Variants in ZNF503 observed in about 807,000 individuals in gnomAD.
ZNF503 encodes the protein NocA-like zinc finger 2.
Under a neutral mutation model 34.4 loss-of-function variants are expected in ZNF503, and 15 were observed. The ratio of observed to expected loss-of-function variants is 0.44; its 90% CI spans 0.29 to 0.67. The LOEUF (loss-of-function observed/expected upper bound fraction) is 0.67. Ranked by LOEUF, ZNF503 falls within the 30% of genes least tolerant of loss-of-function variation. The probability of loss-of-function intolerance (pLI) is 0.13; values close to 1 mark genes in which losing one functional copy is unlikely to be tolerated. For missense variants in ZNF503, 1,007 were observed against 926.8 expected (o/e 1.09, Z -1.12); for synonymous variants, 580 against 456.8 (o/e 1.27, Z -3.44).
chr10:75,350,139 T>G, the ZNF503 span, among the ~76,000 whole-genome samples: 4 of 152,350 alleles, frequency 2.6e-5, no homozygotes, highest in South Asian at 6.2e-4. Context: ...ACTAGAAAAC[T>G]GTTACCAATA....
At chr10:75,317,611 A>G in the ZNF503 span, among the ~76,000 whole-genome samples, 1 of 152,136 alleles carries the variant, frequency 6.6e-6, no homozygotes, top group East Asian at 1.9e-4. Context: ...GTTACAATAG[A>G]AATTAAATTT....
the ZNF503 span, chr10:75,361,533 G>T: frequency 6.6e-6 from 1 of 152,026 alleles, no homozygotes; most frequent in Non-Finnish European, 1.5e-5. Flanking sequence ...AATACCTCTA[G>T]CCCAAAACAG....
chr10:75,399,575 G>A lies in ZNF503; in HGVS notation c.1115C>T (p.Pro372Leu), dbSNP rs1291670345. 3 of 1,596,476 alleles carry A rather than the reference G, an allele frequency of 1.9e-6. No homozygotes were observed. Among genetic ancestry groups the A allele is most frequent in the African/African-American group, 1.3e-5 (1 of 74,888 alleles). ...TGCCACGCCGTGTGGCAGGAACTGG[G>A]GCGGGTAGCCGGCGTAGGCCCCGGC... ...SLAGAYAGYP[P>L]QFLPHGVALD... is the part of the protein sequence containing the mutation. The change falls in exon 2 of 2, where the codon CCC becomes CTC. Residue 372 changes from proline (P) to leucine (L), a missense_variant. By Grantham distance (98) the Pro-to-Leu change is moderately conservative (BLOSUM62 -3). Coordinates refer to ENST00000372524, the MANE Select transcript of ZNF503 (RefSeq NM_032772.6).
the ZNF503 span, among the ~76,000 whole-genome samples, chr10:75,284,624 G>C: frequency 6.6e-6 from 1 of 152,160 alleles, no homozygotes; most frequent in East Asian, 1.9e-4. Context: ...TCCAGGTGTG[G>C]AGTGTGTAAG....
downstream of ZNF503, among the ~76,000 whole-genome samples, chr10:75,395,157 CT>C (rs1043114692): frequency 6.6e-6 from 1 of 152,208 alleles, no homozygotes; most frequent in Non-Finnish European, 1.5e-5. The surrounding 1 kb of genome is among the most constrained non-coding windows in gnomAD (Gnocchi z 4.4). Flanking sequence ...GTGGCGACTG[CT>C]TCAGCATGGC....
the ZNF503 span, among the ~76,000 whole-genome samples, chr10:75,334,822 A>G: frequency 3.9e-5 from 6 of 152,280 alleles, no homozygotes; most frequent in African/African-American, 4.8e-5. Flanking sequence ...GGATCCTTCA[A>G]CTGTTTGTGT....
chr10:75,379,464 AT>A, the ZNF503 span, among the ~76,000 whole-genome samples: 3 of 152,230 alleles, frequency 2.0e-5, no homozygotes, highest in Non-Finnish European at 4.4e-5. Context: ...ATTTCATGCT[AT>A]TTGGTTTACA....
the ZNF503 span, among the ~76,000 whole-genome samples, chr10:75,378,701 A>G: frequency 2.0e-5 from 3 of 152,256 alleles, no homozygotes; most frequent in South Asian, 6.2e-4. Flanking sequence ...CTCGTGATAA[A>G]TAAATACATT....
the ZNF503 span, among the ~76,000 whole-genome samples, chr10:75,338,707 A>G: frequency 6.6e-6 from 1 of 152,276 alleles, no homozygotes; most frequent in African/African-American, 2.4e-5. Context: ...AGAGAGAGCA[A>G]ATGGATACAG....
At chr10:75,395,108 A>G (rs1314344812), downstream of ZNF503, among the ~76,000 whole-genome samples, 1 of 152,182 alleles carries the variant, frequency 6.6e-6, no homozygotes, top group African/African-American at 2.4e-5. This position sits in a 1 kb window ranked among gnomAD's most constrained non-coding sequence, Gnocchi z 4.4. Context: ...GCGCTAGGAA[A>G]TCATCAGTGA....
At chr10:75,392,060 A>T in the ZNF503 span, among the ~76,000 whole-genome samples, 1 of 152,346 alleles carries the variant, frequency 6.6e-6, no homozygotes, top group African/African-American at 2.4e-5. Flanking sequence ...GCTGGTAATG[A>T]GGAAAAGAGG....
the ZNF503 span, among the ~76,000 whole-genome samples, chr10:75,333,081 C>G: frequency 5.5e-5 from 8 of 145,388 alleles, no homozygotes; most frequent in East Asian, 1.3e-3. Flanking sequence ...ACCTCCCAGA[C>G]GGGGCGGCTG....
chr10:75,338,828 C>T, the ZNF503 span, among the ~76,000 whole-genome samples: 4 of 152,206 alleles, frequency 2.6e-5, no homozygotes, highest in Admixed American at 6.5e-5. Context: ...TGCCCTGCTT[C>T]GAGAATCTTG....
In ZNF503 at chr10:75,400,066, C is replaced by A; in HGVS notation, c.624G>T (p.Glu208Asp). The change falls in exon 2 of 2, where the codon GAG becomes GAT. Residue 208 changes from glutamate to aspartate, a missense_variant. By Grantham distance (45) the Glu-to-Asp change is conservative. Coordinates refer to ENST00000372524, the MANE Select transcript of ZNF503 (RefSeq NM_032772.6). Reference sequence around the variant, plus strand: ...CGCTCGGTACCCGGAATCCCGACTTCTCCGACGAAACACCCCCGCCGCCGC... The same window carrying A: ...CGCTCGGTACCCGGAATCCCGACTTATCCGACGAAACACCCCCGCCGCCGC... Reference protein sequence around the residue: ...GGGGGGGVSSEKSGFRVPSAT... With the variant: ...GGGGGGGVSSDKSGFRVPSAT... The A allele has an allele frequency of 6.4e-7, 1 of 1,574,356 alleles. No homozygotes were observed. The highest frequency in any genetic ancestry group is 8.6e-7 in the Non-Finnish European group (1 of 1,162,510).
the ZNF503 span, among the ~76,000 whole-genome samples, chr10:75,345,615 A>G: frequency 2.7e-5 from 4 of 146,216 alleles, no homozygotes; most frequent in African/African-American, 1.0e-4. Flanking sequence ...AGCCTGGGTG[A>G]CAGAGCGAGA....
At chr10:75,401,010 ACCC>A (rs753231904) in intron 1 of ZNF503, 92 bp downstream of exon 1, 4 of 1,545,320 alleles carry the variant, frequency 2.6e-6, no homozygotes, top group East Asian at 2.4e-5. Context: ...AATCACTCCG[ACCC>A]CCCCACCTCC....
chr10:75,340,903 A>G, the ZNF503 span, among the ~76,000 whole-genome samples: 408 of 152,292 alleles, frequency 2.7e-3, 3 homozygotes, highest in African/African-American at 9.4e-3. Flanking sequence ...ACTCCACCTC[A>G]TATTTATTGA....
chr10:75,380,097 T>G, the ZNF503 span, among the ~76,000 whole-genome samples: 1 of 152,168 alleles, frequency 6.6e-6, no homozygotes, highest in African/African-American at 2.4e-5. Flanking sequence ...CAGACTGACC[T>G]GGCAGTAGAG....
At chr10:75,292,935 G>A in the ZNF503 span, among the ~76,000 whole-genome samples, 3 of 152,168 alleles carry the variant, frequency 2.0e-5, no homozygotes, top group Non-Finnish European at 4.4e-5. Context: ...GCTCAAAATG[G>A]CTGCCCCAGC....
Sources: gnomAD v4.1 joint callset for allele counts (sites outside exome capture counted in the v4.1 genomes callset) on GRCh38, gnomAD v4.1.1 for gene constraint, Gnocchi (gnomAD v3.1) non-coding constraint, MANE v1.5 for transcripts, NCBI Gene and HGNC (gene_info 2026-07-23, HGNC 2026-07-21) for gene names.